STEAP1B: variants seen among roughly 807,000 people sequenced by gnomAD.
STEAP1B encodes STEAP family member 1B, also known as STEAP family protein MGC87042.
STEAP1B carries 13 observed loss-of-function variants against 27.9 expected under a neutral mutation model. The observed-to-expected ratio is 0.47, with a 90% confidence interval of 0.30 to 0.74. The LOEUF (loss-of-function observed/expected upper bound fraction) is 0.74, where lower values mean the gene tolerates loss of function less well. Ranked by LOEUF, STEAP1B falls within the 30% of genes least tolerant of loss-of-function variation. The pLI is 0.06. For missense variants in STEAP1B, 250 were observed against 298.7 expected, an observed-to-expected ratio of 0.84 and a Z score of 1.20; for synonymous variants, 86 against 107.1, an observed-to-expected ratio of 0.80 and a Z score of 1.22.
chr7:22,450,273 C>T (rs894564146), intron 4 of STEAP1B, among the ~76,000 whole-genome samples: 1 of 152,092 alleles, frequency 6.6e-6, no homozygotes, highest in Non-Finnish European at 1.5e-5. Flanking sequence ...TGGAGAGTTT[C>T]TTCAATGTTT....
intron 4 of STEAP1B, among the ~76,000 whole-genome samples, chr7:22,464,285 C>G (rs2128408792): frequency 6.6e-6 from 1 of 152,274 alleles, no homozygotes; most frequent in South Asian, 2.1e-4. Context: ...ATTTGGAGAC[C>G]TCAGGCTCAG....
intron 1 of STEAP1B, among the ~76,000 whole-genome samples, chr7:22,496,415 A>G (rs547275642): frequency 6.6e-6 from 1 of 152,204 alleles, no homozygotes; most frequent in Non-Finnish European, 1.5e-5. Context: ...CAGCGTTTAT[A>G]AAGTCTATAG....
chr7:22,476,379 G>C (rs1785972148), intron 4 of STEAP1B, among the ~76,000 whole-genome samples: 2 of 152,174 alleles, frequency 1.3e-5, no homozygotes, highest in African/African-American at 4.8e-5. Flanking sequence ...GTGGCAGCAG[G>C]CTGGACAAGA....
At chr7:22,441,446 G>T (rs1234155569) in intron 4 of STEAP1B, among the ~76,000 whole-genome samples, 1 of 152,184 alleles carries the variant, frequency 6.6e-6, no homozygotes, top group African/African-American at 2.4e-5. Context: ...CCCATTTACA[G>T]ATGAGAAAAT....
At chr7:22,479,158 C>G (rs775016693) in intron 4 of STEAP1B, among the ~76,000 whole-genome samples, 4 of 152,206 alleles carry the variant, frequency 2.6e-5, no homozygotes, top group Middle Eastern at 3.2e-3. Context: ...TACATTATTA[C>G]TATCATTTCC....
chr7:22,446,608 A>G (rs2128403332), intron 4 of STEAP1B, among the ~76,000 whole-genome samples: 1 of 152,306 alleles, frequency 6.6e-6, no homozygotes, highest in East Asian at 1.9e-4. Flanking sequence ...AAGATTTAGA[A>G]CCACTCTGAT....
chr7:22,476,618 T>C (rs1321143244), intron 4 of STEAP1B, among the ~76,000 whole-genome samples: 2 of 152,206 alleles, frequency 1.3e-5, no homozygotes, highest in East Asian at 3.8e-4. Flanking sequence ...ATCTCCAGGT[T>C]GGCCACTCTG....
intron 4 of STEAP1B, among the ~76,000 whole-genome samples, chr7:22,467,208 A>G (rs1785800568): frequency 6.6e-6 from 1 of 152,188 alleles, no homozygotes; most frequent in South Asian, 2.1e-4. Flanking sequence ...TTTAGTAGAA[A>G]GCCCCAAGGA....
intron 4 of STEAP1B, among the ~76,000 whole-genome samples, chr7:22,427,235 C>T (rs114189738): frequency 1.4e-3 from 217 of 152,254 alleles, no homozygotes; most frequent in African/African-American, 4.7e-3. Flanking sequence ...TGTGGAAAAC[C>T]GACTGCAGGG....
intron 4 of STEAP1B, among the ~76,000 whole-genome samples, chr7:22,473,433 G>T (rs373744191): frequency 9.2e-5 from 14 of 152,304 alleles, no homozygotes; most frequent in African/African-American, 3.1e-4. Flanking sequence ...AAGCACACAA[G>T]ATTTTGATTT....
chr7:22,424,528 A>G (rs1184013886), intron 4 of STEAP1B, among the ~76,000 whole-genome samples: 1 of 152,200 alleles, frequency 6.6e-6, no homozygotes, highest in African/African-American at 2.4e-5. Context: ...GGTGGGACAA[A>G]TCTCCTTGTA....
At chr7:22,454,740 G>A (rs780274240) in intron 4 of STEAP1B, among the ~76,000 whole-genome samples, 6 of 129,530 alleles carry the variant, frequency 4.6e-5, no homozygotes, top group Non-Finnish European at 6.7e-5. Context: ...TAAGCACAGC[G>A]GAACCAGGAA....
At chr7:22,491,710 G>C (rs191090613) in intron 4 of STEAP1B, among the ~76,000 whole-genome samples, 1 of 152,330 alleles carries the variant, frequency 6.6e-6, no homozygotes, top group Non-Finnish European at 1.5e-5. Flanking sequence ...GATTAGACCA[G>C]AAGAATCTGG....
intron 4 of STEAP1B, among the ~76,000 whole-genome samples, chr7:22,454,221 G>C (rs1162854499): frequency 6.6e-6 from 1 of 152,190 alleles, no homozygotes; most frequent in African/African-American, 2.4e-5. Context: ...GGATGAGAGA[G>C]AACTCTCAAG....
chr7:22,492,989 T>A (rs1407868718), intron 3 of STEAP1B, among the ~76,000 whole-genome samples: 2 of 152,196 alleles, frequency 1.3e-5, no homozygotes, highest in African/African-American at 2.4e-5. Context: ...AGAACTGTAA[T>A]GTGCATGCAT....
At chr7:22,444,947 AG>A (rs575242268) in intron 4 of STEAP1B, among the ~76,000 whole-genome samples, 35 of 152,298 alleles carry the variant, frequency 2.3e-4, no homozygotes, top group Admixed American at 2.2e-3. Flanking sequence ...CTGTCACCAG[AG>A]CGAGCTCTGG....
intron 4 of STEAP1B, among the ~76,000 whole-genome samples, chr7:22,456,972 A>ATTTTTTTTTTTTTTTTTTTTT (rs3064738): frequency 1.8e-5 from 1 of 57,070 alleles, no homozygotes; most frequent in Non-Finnish European, 3.3e-5. Context: ...ATATATATAT[A>ATTTTTTTTTTTTTTTTTTTTT]TTTTTTTTTT....
chr7:22,484,221 G>A (rs1371112652), intron 4 of STEAP1B, among the ~76,000 whole-genome samples: 13 of 152,232 alleles, frequency 8.5e-5, no homozygotes, highest in Admixed American at 8.5e-4. Context: ...CTTGGAAGAT[G>A]CCATCTAGGA....
chr7:22,477,606 C>T (rs1221587817), intron 4 of STEAP1B, among the ~76,000 whole-genome samples: 1 of 152,190 alleles, frequency 6.6e-6, no homozygotes, highest in East Asian at 1.9e-4. Context: ...GCAAATATTA[C>T]GAATTTCATT....
Sources: allele counts gnomAD v4.1 joint callset (sites outside exome capture counted in the v4.1 genomes callset), GRCh38; gene constraint gnomAD v4.1.1; transcripts MANE v1.5; gene names NCBI Gene and HGNC (gene_info 2026-07-23, HGNC 2026-07-21).